RUNDC3B: variants seen among roughly 807,000 people sequenced by gnomAD.
The protein encoded by RUNDC3B is RUN domain-containing protein 3B.
RUNDC3B carries 33 observed loss-of-function variants against 58.4 expected under a neutral mutation model. The ratio of observed to expected loss-of-function variants is 0.56; its 90% confidence interval spans 0.43 to 0.75. The LOEUF (loss-of-function observed/expected upper bound fraction) is 0.75. RUNDC3B is among the 30% of genes least tolerant of loss of function. The pLI, the probability that RUNDC3B is intolerant of heterozygous loss-of-function variation, is 0.00. For synonymous variants in RUNDC3B, 193 were observed against 195.2 expected (o/e 0.99, Z 0.10); for missense variants, 501 against 535.7 (o/e 0.94, Z 0.64).
chr7:87,656,407 TAGGAGAAAGCTG>T (rs756603436), intron 2 of RUNDC3B, among the ~76,000 whole-genome samples: 3 of 152,014 alleles, frequency 2.0e-5, no homozygotes, highest in Non-Finnish European at 4.4e-5. Flanking sequence ...TGGTTGTGGG[TAGGAGAAAGCTG>T]AGGACTGGAA....
Position 87,720,624 on chromosome 7 carries a change from CAG to C in RUNDC3B, c.458+9972_458+9973del, listed in dbSNP as rs201679934. The stretch of plus-strand genomic sequence containing the variant: ...TTTTTTTTCTTTTCTTTTTTTTAGA[CAG>C]AGTCTCACTCTGTCACCCAGGCCAG... On this transcript the variant is annotated intron_variant, in intron 4 of 10. Transcript: ENST00000394654. 3.0e-3 allele frequency among the ~76,000 whole-genome samples: 437 copies of C among 146,348 alleles called. 6 individuals are homozygous for C. The East Asian group carries it at 0.047, about 16-fold the overall frequency.
intron 6 of RUNDC3B, among the ~76,000 whole-genome samples, chr7:87,748,454 C>T (rs997857585): frequency 1.3e-5 from 2 of 152,164 alleles, no homozygotes; most frequent in Non-Finnish European, 2.9e-5. Flanking sequence ...TGCAAGCCTC[C>T]GCAGGCTGCT....
intron 2 of RUNDC3B, among the ~76,000 whole-genome samples, chr7:87,696,884 A>G (rs1299310360): frequency 1.3e-5 from 2 of 152,158 alleles, no homozygotes; most frequent in African/African-American, 4.8e-5. Context: ...TGCCCTACCT[A>G]TAGCAGGAGT....
At chr7:87,686,512 G>C (rs1301474822) in intron 2 of RUNDC3B, among the ~76,000 whole-genome samples, 1 of 152,080 alleles carries the variant, frequency 6.6e-6, no homozygotes, top group Non-Finnish European at 1.5e-5. Flanking sequence ...TGACTGGTAG[G>C]CCACATAGAT....
chr7:87,683,872 A>G (rs1042467250), intron 2 of RUNDC3B, among the ~76,000 whole-genome samples: 3 of 152,234 alleles, frequency 2.0e-5, no homozygotes, highest in African/African-American at 7.2e-5. Flanking sequence ...AAGCACAATA[A>G]AGTGAAATAC....
intron 9 of RUNDC3B, among the ~76,000 whole-genome samples, chr7:87,809,451 C>T (rs1231468812): frequency 6.6e-6 from 1 of 152,144 alleles, no homozygotes; most frequent in East Asian, 1.9e-4. Flanking sequence ...TAACACTGAG[C>T]AATACTTCCT....
At chr7:87,816,075 T>C (rs921099885) in intron 9 of RUNDC3B, 66 bp from the exon 10 acceptor site, 17 of 1,137,398 alleles carry the variant, frequency 1.5e-5, no homozygotes, top group Non-Finnish European at 2.6e-6. Flanking sequence ...AACCATTAAA[T>C]AACCACTCAA....
chr7:87,639,943 C>T (rs955200119), intron 1 of RUNDC3B, among the ~76,000 whole-genome samples: 7 of 151,290 alleles, frequency 4.6e-5, no homozygotes, highest in African/African-American at 1.7e-4. Context: ...TTGCTTTTTT[C>T]TCTTTTCTTG....
intron 4 of RUNDC3B, among the ~76,000 whole-genome samples, chr7:87,711,691 A>G (rs911687977): frequency 6.6e-6 from 1 of 152,236 alleles, no homozygotes; most frequent in African/African-American, 2.4e-5. Context: ...TTAATATTAC[A>G]TAAAATTGCA....
At chr7:87,761,505 C>T (rs538421517) in intron 6 of RUNDC3B, among the ~76,000 whole-genome samples, 9 of 151,816 alleles carry the variant, frequency 5.9e-5, no homozygotes, top group African/African-American at 9.7e-5. Flanking sequence ...TGAAAACATG[C>T]GGTCAAACAG....
Position 87,777,981 on chromosome 7 carries a change from G to C in RUNDC3B, c.956+26G>C, listed in dbSNP as rs188106968. On this transcript the variant is annotated intron_variant, in intron 8 of 10. Coordinates refer to ENST00000394654, the MANE Select transcript of RUNDC3B (RefSeq NM_001134405.2). ...GTAAGTACAAGCCTTTTAGAAAAAT[G>C]TTGGTAGCATGTAAACATTAAGACA... The C allele has an allele frequency of 9.4e-6, 15 of 1,590,408 alleles. 1 individual carries two copies. The African/African-American group carries it at 1.9e-4, about 20-fold the overall frequency.
chr7:87,728,862 A>T (rs796636042), intron 4 of RUNDC3B, among the ~76,000 whole-genome samples: 1 of 152,138 alleles, frequency 6.6e-6, no homozygotes, highest in African/African-American at 2.4e-5. Flanking sequence ...AGATTTTCGC[A>T]TATCTCCAGA....
At chr7:87,658,050 A>G (rs1341008415) in intron 2 of RUNDC3B, among the ~76,000 whole-genome samples, 1 of 152,216 alleles carries the variant, frequency 6.6e-6, no homozygotes, top group African/African-American at 2.4e-5. Context: ...CTCAGATTGC[A>G]TAATAAAAGA....
At chr7:87,662,659 T>C (rs907457108) in intron 2 of RUNDC3B, among the ~76,000 whole-genome samples, 2 of 152,178 alleles carry the variant, frequency 1.3e-5, no homozygotes, top group African/African-American at 2.4e-5. Flanking sequence ...ACAATAGCCC[T>C]GTAGTATACT....
intron 2 of RUNDC3B, among the ~76,000 whole-genome samples, chr7:87,699,761 G>A (rs1349788080): frequency 1.3e-5 from 2 of 152,082 alleles, no homozygotes; most frequent in African/African-American, 4.8e-5. Context: ...GGTCATGAAC[G>A]GATACATAGT....
chr7:87,802,219 T>A (rs995856261), intron 8 of RUNDC3B, among the ~76,000 whole-genome samples: 2 of 151,610 alleles, frequency 1.3e-5, no homozygotes, highest in Non-Finnish European at 2.9e-5. Flanking sequence ...GGGCAAAACC[T>A]GGGTCTCTAT....
chr7:87,706,848 A>G (rs1829640580), intron 3 of RUNDC3B, among the ~76,000 whole-genome samples: 1 of 152,208 alleles, frequency 6.6e-6, no homozygotes, highest in African/African-American at 2.4e-5. Flanking sequence ...AGCTCAAAGC[A>G]AAGTCCCATA....
chr7:87,688,796 T>TACAGAAGC, intron 2 of RUNDC3B, among the ~76,000 whole-genome samples: 1 of 152,008 alleles, frequency 6.6e-6, no homozygotes, highest in Non-Finnish European at 1.5e-5. Flanking sequence ...TGAGTCATAT[T>TACAGAAGC]ATTGTAGCAT....
chr7:87,723,551 C>T (rs1831030061), intron 4 of RUNDC3B, among the ~76,000 whole-genome samples: 1 of 152,116 alleles, frequency 6.6e-6, no homozygotes, highest in Non-Finnish European at 1.5e-5. Context: ...GCTAATGTCA[C>T]AGGTTGACAA....
Sources: allele counts gnomAD v4.1 joint callset (sites outside exome capture counted in the v4.1 genomes callset), GRCh38; gene constraint gnomAD v4.1.1; transcripts MANE v1.5; gene names NCBI Gene and HGNC (gene_info 2026-07-23, HGNC 2026-07-21).